Variants in SYTL5 observed in about 807,000 individuals in gnomAD.
SYTL5 encodes synaptotagmin like 5, also known as synaptotagmin-like protein 5.
A neutral mutation model predicts 55.9 loss-of-function variants in SYTL5; 34 were observed. The observed-to-expected ratio is 0.61, with a 90% CI of 0.46 to 0.81. The LOEUF (loss-of-function observed/expected upper bound fraction) is 0.81. SYTL5 is among the 30% of genes least tolerant of loss of function. SYTL5 has a pLI of 0.00. For missense variants in SYTL5, 637 were observed against 546.7 expected (o/e 1.17, Z -1.65); for synonymous variants, 221 against 188.7 (o/e 1.17, Z -1.40).
chrX:38,056,381 G>A (rs1935783792), intron 3 of SYTL5, among the ~76,000 whole-genome samples: 1 of 111,896 alleles, frequency 8.9e-6, no homozygotes. Context: ...GAGCACTTAG[G>A]TTGCTTCCAA....
At chrX:37,994,405 C>A in the SYTL5 span, 1 of 114,088 alleles carries the variant, frequency 8.8e-6, no homozygotes. Flanking sequence ...TCCAGAAGAG[C>A]AGAGCTGCAG....
intron 4 of SYTL5, among the ~76,000 whole-genome samples, 180 bp downstream of exon 4, chrX:38,072,342 T>C (rs143134327): frequency 1.2e-3 from 136 of 112,166 alleles, no homozygotes; most frequent in African/African-American, 4.0e-3. Flanking sequence ...AAGAAGTCAG[T>C]AGAAAACAAA....
chrX:38,033,787 C>T lies in SYTL5; in HGVS notation c.-103C>T, dbSNP rs1246727164. The T allele has an allele frequency of 8.7e-6, 4 of 458,798 alleles. No individual in the cohort carries two copies. In the African/African-American group the frequency reaches 9.6e-5, roughly 11 times the overall value. The allele number at this position is 458,798 out of a possible 1,213,427, so 37.8% of individuals were successfully genotyped here. A position where few individuals can be genotyped will look rare whatever the true frequency, so the allele number is the denominator to read the frequency against. On this transcript the variant is annotated 5_prime_UTR_variant, in exon 2 of 17. Transcript: ENST00000297875. ...TGTAAAAATCACACTTTACACCAAACAACTGAGTGATTCTGAATTGGTTGG... is the reference window on the plus strand; with the variant it reads ...TGTAAAAATCACACTTTACACCAAATAACTGAGTGATTCTGAATTGGTTGG...
intron 3 of SYTL5, among the ~76,000 whole-genome samples, chrX:38,066,647 A>G (rs763841287): frequency 4.2e-4 from 47 of 111,095 alleles, no homozygotes; most frequent in Non-Finnish European, 7.7e-4. Context: ...TCAACACACA[A>G]ACATGCACAC....
chrX:38,111,750 G>A (rs927332753), intron 13 of SYTL5, among the ~76,000 whole-genome samples: 2 of 111,876 alleles, frequency 1.8e-5, no homozygotes, highest in African/African-American at 3.3e-5. Flanking sequence ...AGTGCATTGG[G>A]CCTGGTTCTC....
the SYTL5 span, among the ~76,000 whole-genome samples, chrX:37,967,115 G>C: frequency 1.8e-5 from 2 of 111,501 alleles, no homozygotes; most frequent in East Asian, 5.6e-4. Context: ...GCAGTGGTGC[G>C]AACTCGGCTT....
chrX:37,893,392 C>A, the SYTL5 span, among the ~76,000 whole-genome samples: 1 of 96,181 alleles, frequency 1.0e-5, no homozygotes, highest in Non-Finnish European at 2.0e-5. Flanking sequence ...TTGAATAAAA[C>A]CTTTGACATA....
Position 38,033,985 on chromosome X carries a change from A to C in SYTL5, c.96A>C (p.Lys32Asn), listed in dbSNP as rs1324292015. The change falls in exon 2 of 17, where the codon AAA becomes AAC. Residue 32 changes from lysine (K) to asparagine (N), a missense_variant. Coordinates refer to ENST00000297875, the MANE Select transcript of SYTL5 (RefSeq NM_138780.3). The stretch of plus-strand genomic sequence containing the variant: ...TCCTAAAGAGAGATGAATATTTGAA[A>C]AAAGTGGAGGACAAGAGAATAAGGT... ...LGVLKRDEYL[K>N]KVEDKRIRKL... 3 of 1,168,099 alleles carry C rather than the reference A, an allele frequency of 2.6e-6. No individual in the cohort carries two copies. In the African/African-American group the frequency reaches 5.3e-5, roughly 21 times the overall value.
intron 10 of SYTL5, among the ~76,000 whole-genome samples, chrX:38,103,830 C>T (rs183477474): frequency 8.9e-6 from 1 of 111,737 alleles, no homozygotes. Context: ...CTAAAAGTAG[C>T]ACCTGACTAG....
At chrX:38,056,456 ATTTCT>A (rs2147314752) in intron 3 of SYTL5, among the ~76,000 whole-genome samples, 1 of 111,521 alleles carries the variant, frequency 9.0e-6, no homozygotes, top group South Asian at 3.7e-4. Flanking sequence ...CAATATACTG[ATTTCT>A]TTTCTTTTGG....
intron 7 of SYTL5, among the ~76,000 whole-genome samples, chrX:38,093,591 G>C (rs1936850167): frequency 9.0e-6 from 1 of 111,218 alleles, no homozygotes; most frequent in Non-Finnish European, 1.9e-5. Flanking sequence ...AGTCGGGACA[G>C]AATTTTCTTT....
At chrX:38,042,531 T>C (rs1259195202) in intron 2 of SYTL5, among the ~76,000 whole-genome samples, 1 of 111,878 alleles carries the variant, frequency 8.9e-6, no homozygotes, top group Non-Finnish European at 1.9e-5. Context: ...TCAAGGATCC[T>C]CTGTATATTT....
the SYTL5 span, among the ~76,000 whole-genome samples, chrX:37,962,644 A>G: frequency 2.6e-4 from 14 of 53,274 alleles, no homozygotes; most frequent in South Asian, 7.0e-3. Context: ...TTGAGGAATC[A>G]CCACACTGTC....
At chrX:37,937,001 G>A in the SYTL5 span, among the ~76,000 whole-genome samples, 5 of 105,405 alleles carry the variant, frequency 4.7e-5, no homozygotes, top group African/African-American at 1.7e-4. Flanking sequence ...AGTGAACCGA[G>A]ATCATGCCAC....
At chrX:37,998,214 G>C in the SYTL5 span, among the ~76,000 whole-genome samples, 1 of 112,529 alleles carries the variant, frequency 8.9e-6, no homozygotes, top group African/African-American at 3.2e-5. Flanking sequence ...CACAAGACAA[G>C]AACTCAGGAC....
the SYTL5 span, among the ~76,000 whole-genome samples, chrX:37,999,370 G>C: frequency 8.9e-6 from 1 of 112,593 alleles, no homozygotes; most frequent in South Asian, 3.7e-4. Context: ...TCTTCCAAAG[G>C]ACTTTATGAG....
the SYTL5 span, among the ~76,000 whole-genome samples, chrX:37,950,949 G>A: frequency 9.1e-6 from 1 of 109,915 alleles, no homozygotes; most frequent in East Asian, 2.8e-4. Flanking sequence ...AGCAATTACC[G>A]AAATTGACTG....
the SYTL5 span, among the ~76,000 whole-genome samples, chrX:37,921,683 A>G: frequency 1.8e-5 from 2 of 111,886 alleles, no homozygotes; most frequent in African/African-American, 6.5e-5. Flanking sequence ...AGTAAATACT[A>G]AATAAGTATT....
chrX:37,965,927 CTTGA>C, the SYTL5 span, among the ~76,000 whole-genome samples: 12 of 112,286 alleles, frequency 1.1e-4, no homozygotes. Context: ...CTGTTCCTCT[CTTGA>C]TTACCATTTG....
Sources: allele counts gnomAD v4.1 joint callset (sites outside exome capture counted in the v4.1 genomes callset), GRCh38; gene constraint gnomAD v4.1.1; transcripts MANE v1.5; gene names NCBI Gene and HGNC (gene_info 2026-07-23, HGNC 2026-07-21).